LRP1B: variants seen among roughly 807,000 people sequenced by gnomAD.
The protein encoded by LRP1B is LDL receptor related protein 1B, also known as low-density lipoprotein receptor-related protein 1B.
In LRP1B, 217 loss-of-function variants were observed where a neutral mutation model predicts 556.6. That is an observed-to-expected ratio of 0.39 (90% CI 0.35 to 0.44). The LOEUF (loss-of-function observed/expected upper bound fraction) is 0.44. Among genes scored for constraint, LRP1B ranks in the 20% least tolerant of loss-of-function variants. The pLI is 1.00. For missense variants in LRP1B, 5,053 were observed against 5,620.8 expected, an observed-to-expected ratio of 0.90 and a Z score of 3.23; for synonymous variants, 2,047 against 1,865.8, an observed-to-expected ratio of 1.10 and a Z score of -2.50.
In LRP1B at chr2:141,678,275, T is replaced by C. The variant is rs567999183; in HGVS notation, c.205+132004A>G. Among the ~76,000 whole-genome samples the C allele has an allele frequency of 2.2e-4, 33 of 152,194 alleles. No homozygotes were observed. The South Asian group carries it at 4.8e-3, about 22-fold the overall frequency. The stretch of plus-strand genomic sequence containing the variant: ...CTATAATCTTAATGAATATAGACAT[T>C]TTGAGGTGAAGTAGAGGTAGAAATA... On this transcript the variant is annotated intron_variant, in intron 2 of 90. Transcript: ENST00000389484.
At chr2:141,432,568 T>G (rs1680600569) in intron 3 of LRP1B, among the ~76,000 whole-genome samples, 1 of 151,522 alleles carries the variant, frequency 6.6e-6, no homozygotes, top group African/African-American at 2.4e-5. Flanking sequence ...GGCCTTTCTT[T>G]GTGGAAAATT....
At chr2:140,743,993 T>A (rs13425698) in intron 35 of LRP1B, among the ~76,000 whole-genome samples, 2,657 of 7,068 alleles carry the variant, frequency 0.38, 950 homozygotes, top group Middle Eastern at 0.67. Flanking sequence ...AAAAAAAAAG[T>A]AAAAAGTAAA....
intron 41 of LRP1B, among the ~76,000 whole-genome samples, chr2:140,640,844 TA>T (rs201644501): frequency 0.014 from 2,195 of 152,014 alleles, 60 homozygotes; most frequent in African/African-American, 0.048. Context: ...ACAGGCTCAG[TA>T]AGTATTTGTT....
Position 141,682,828 on chromosome 2 carries a change from A to G in LRP1B, c.205+127451T>C, listed in dbSNP as rs530255683. The stretch of plus-strand genomic sequence containing the variant: ...GAATATTGAGAGACTTTTTGTATCT[A>G]GAAATCTCTTCCTTGTTTAAGATTC... On this transcript the variant is annotated intron_variant, in intron 2 of 90. Transcript: ENST00000389484. Among the ~76,000 whole-genome samples, 5 of 152,314 alleles carry G rather than the reference A, an allele frequency of 3.3e-5. No individual in the cohort carries two copies. In the South Asian group the frequency reaches 1.0e-3, roughly 32 times the overall value.
intron 80 of LRP1B, among the ~76,000 whole-genome samples, chr2:140,324,456 T>C (rs1331212190): frequency 1.3e-5 from 2 of 152,036 alleles, no homozygotes; most frequent in Admixed American, 1.3e-4. Context: ...AAATAAATGA[T>C]CAAATTACAT....
rs566706002 is a variant in LRP1B, at chr2:140,638,841, A to T, written c.6800-37202T>A. Among the ~76,000 whole-genome samples the T allele has an allele frequency of 2.0e-4, 30 of 151,790 alleles. 1 individual carries two copies. The highest frequency in any genetic ancestry group is 8.5e-4 in the Admixed American group (13 of 15,224). Reference sequence around the variant, plus strand: ...TATATACAAAATTATATATGTGTATATATGAACTATATTTTCATATAAATA... The same window carrying T: ...TATATACAAAATTATATATGTGTATTTATGAACTATATTTTCATATAAATA... On this transcript the variant is annotated intron_variant, in intron 41 of 90. Transcript: ENST00000389484.
intron 41 of LRP1B, among the ~76,000 whole-genome samples, chr2:140,654,975 T>C (rs113703405): frequency 0.06 from 9,067 of 151,492 alleles, 317 homozygotes; most frequent in Admixed American, 0.076. Flanking sequence ...CAAGGTTTCC[T>C]AGCTGGGCAC....
intron 8 of LRP1B, among the ~76,000 whole-genome samples, chr2:141,059,719 A>G (rs1052789479): frequency 6.6e-6 from 1 of 151,862 alleles, no homozygotes; most frequent in African/African-American, 2.4e-5. Context: ...ATTGCTATCC[A>G]TATACTTAGT....
chr2:141,979,977 A>G (rs1487621315), intron 1 of LRP1B, among the ~76,000 whole-genome samples: 2 of 152,140 alleles, frequency 1.3e-5, no homozygotes, highest in Non-Finnish European at 2.9e-5. Context: ...TATGTTTTTC[A>G]CAACAAGAAT....
intron 2 of LRP1B, among the ~76,000 whole-genome samples, chr2:141,566,459 T>C (rs1686334709): frequency 6.6e-6 from 1 of 152,216 alleles, no homozygotes; most frequent in Admixed American, 6.5e-5. Context: ...ATTTTCCATA[T>C]GGAAGACAGA....
intron 2 of LRP1B, among the ~76,000 whole-genome samples, chr2:141,544,378 T>C (rs868435291): frequency 0.023 from 2,577 of 111,162 alleles, 151 homozygotes; most frequent in South Asian, 0.043. Flanking sequence ...TTCTTCTTCT[T>C]CTTCTCCTCC....
chr2:141,826,784 AATTT>A (rs1456511444), intron 1 of LRP1B, among the ~76,000 whole-genome samples: 5 of 152,202 alleles, frequency 3.3e-5, no homozygotes, highest in African/African-American at 9.6e-5. Context: ...TTTTCAAAAG[AATTT>A]ATTTATAGAA....
intron 41 of LRP1B, among the ~76,000 whole-genome samples, chr2:140,646,348 A>AGATTGCATAGCAATG (rs1261616552): frequency 4.6e-5 from 7 of 152,230 alleles, no homozygotes; most frequent in African/African-American, 1.4e-4. Flanking sequence ...AGTTATATTT[A>AGATTGCATAGCAATG]GAGTTCTTAC....
chr2:140,930,041 C>T (rs147219162), intron 20 of LRP1B, among the ~76,000 whole-genome samples: 1 of 152,016 alleles, frequency 6.6e-6, no homozygotes, highest in East Asian at 1.9e-4. Flanking sequence ...TCTGAAGAAC[C>T]TATGATGACC....
chr2:141,049,313 G>T (rs1196719527), intron 10 of LRP1B, 91 bp from the exon 11 acceptor site: 5 of 824,316 alleles, frequency 6.1e-6, no homozygotes, highest in African/African-American at 5.1e-5. Context: ...CACAATTAGC[G>T]TTTTTTAAAT....
intron 2 of LRP1B, among the ~76,000 whole-genome samples, chr2:141,790,112 C>T (rs1240404104): frequency 6.6e-6 from 1 of 151,748 alleles, no homozygotes; most frequent in Non-Finnish European, 1.5e-5. Context: ...GGACACACAC[C>T]GTTTGAATCA....
intron 43 of LRP1B, among the ~76,000 whole-genome samples, chr2:140,573,370 A>G (rs1019885194): frequency 2.5e-4 from 38 of 152,042 alleles, no homozygotes; most frequent in Admixed American, 2.5e-3. Flanking sequence ...TGTCTTCATT[A>G]TAACTAAAAG....
chr2:142,065,556 T>G (rs1258932480), intron 1 of LRP1B, among the ~76,000 whole-genome samples: 1 of 151,434 alleles, frequency 6.6e-6, no homozygotes, highest in East Asian at 1.9e-4. Context: ...TTCTTTATTT[T>G]AAGATCAGCT....
At chr2:141,702,773 G>A (rs879528021) in intron 2 of LRP1B, among the ~76,000 whole-genome samples, 4 of 151,872 alleles carry the variant, frequency 2.6e-5, no homozygotes, top group African/African-American at 4.8e-5. Flanking sequence ...CCAGGTGTGA[G>A]GTATTAAGGC....
Sources: allele counts gnomAD v4.1 joint callset (sites outside exome capture counted in the v4.1 genomes callset), GRCh38; gene constraint gnomAD v4.1.1; transcripts MANE v1.5; gene names NCBI Gene and HGNC (gene_info 2026-07-23, HGNC 2026-07-21).